Variants in ARHGEF2 observed in about 807,000 individuals in gnomAD.
ARHGEF2 encodes the protein Rho/Rac guanine nucleotide exchange factor 2, also known as rho guanine nucleotide exchange factor 2.
ARHGEF2 carries 22 observed loss-of-function variants against 121.0 expected under a neutral mutation model. The ratio of observed to expected loss-of-function variants is 0.18; its 90% CI spans 0.13 to 0.26. ARHGEF2 has a LOEUF of 0.26. Among genes scored for constraint, ARHGEF2 ranks in the 10% least tolerant of loss-of-function variants. The pLI is 1.00. For missense variants in ARHGEF2, 907 were observed against 1,336.0 expected, an observed-to-expected ratio of 0.68 and a Z score of 5.01; for synonymous variants, 487 against 530.0, an observed-to-expected ratio of 0.92 and a Z score of 1.11.
chr1:155,976,216 C>T (rs1323524074), intron 1 of ARHGEF2, among the ~76,000 whole-genome samples: 1 of 151,976 alleles, frequency 6.6e-6, no homozygotes, highest in Non-Finnish European at 1.5e-5. Context: ...TGCCCCTCTA[C>T]TTCCCACCAC....
chr1:155,969,064 G>T, intron 2 of ARHGEF2, 92 bp downstream of exon 2: 1 of 1,503,124 alleles, frequency 6.7e-7, no homozygotes, highest in South Asian at 1.2e-5. Context: ...AGAGAAGAGT[G>T]ACCCTCATGG....
At position 155,975,757 on chromosome 1, in the gene ARHGEF2, C is replaced by CA. The variant is rs574773564; in HGVS notation, c.63+2607dup. Among the ~76,000 whole-genome samples the CA allele has an allele frequency of 5.1e-4, 78 of 152,254 alleles. 1 individual carries two copies. The South Asian group carries it at 0.016, about 31-fold the overall frequency. ...ACCACAGAGATTCCAAGGGGACCCC[C>CA]AGCCTCCACAGCCATCCCTGGACCT... is the stretch of plus-strand genomic sequence containing the variant. On this transcript the variant is annotated intron_variant, in intron 1 of 21. Transcript: ENST00000361247.
At chr1:155,968,336 A>G (rs1269022325) in intron 2 of ARHGEF2, 2 of 151,386 alleles carry the variant, frequency 1.3e-5, no homozygotes, top group Non-Finnish European at 2.9e-5. Flanking sequence ...CCCAAGTTTC[A>G]TAGGGATTTA....
In ARHGEF2 at chr1:155,950,599, T is replaced by A; in HGVS notation, c.2704-117A>T. The A allele has an allele frequency of 8.8e-7, 1 of 1,132,038 alleles. No homozygotes were observed. The highest frequency in any genetic ancestry group is 1.3e-6 in the Non-Finnish European group (1 of 784,392). 70.1% of individuals were successfully genotyped at this position (1,132,038 alleles called of 1,614,324 possible). ...CCTGGGGCTCACCCATGAGTCCCCT[T>A]CAGGAGATCCACCACCAACTGGCCT... On this transcript the variant is annotated intron_variant, in intron 20 of 21. Coordinates refer to ENST00000361247, the MANE Select transcript of ARHGEF2 (RefSeq NM_001162383.2). The surrounding 1 kb of genome is among the most constrained non-coding windows in gnomAD (Gnocchi z 5.2).
In ARHGEF2 at chr1:155,963,166, G is replaced by A. The variant is rs1206001311; in HGVS notation, c.742C>T (p.Leu248=). 1 of 1,611,366 alleles carries A rather than the reference G, an allele frequency of 6.2e-7. No individual in the cohort carries two copies. Among genetic ancestry groups the A allele is most frequent in the Non-Finnish European group, 8.5e-7 (1 of 1,179,908 alleles). The change falls in exon 8 of 22, where the codon CTG becomes TTG. Residue 248 remains leucine, a synonymous_variant. Coordinates refer to ENST00000361247, the MANE Select transcript of ARHGEF2 (RefSeq NM_001162383.2). ...ATCTTCAGTGTCCTCACATGGTGCA[G>A]CTCTGTCTGGATTAGCTCTGTGGGG... ...DVIYELIQTE[L]HHVRTLKIMT... is the part of the protein sequence containing the mutation.
At chr1:155,949,168 A>G (rs1035287270) in intron 21 of ARHGEF2, among the ~76,000 whole-genome samples, 1 of 151,556 alleles carries the variant, frequency 6.6e-6, no homozygotes, top group African/African-American at 2.4e-5. Context: ...CAGGAGAATC[A>G]CTTGAACTCA....
intron 11 of ARHGEF2, 23 bp from the exon 12 acceptor site, chr1:155,958,419 G>C: frequency 6.3e-7 from 1 of 1,599,862 alleles, no homozygotes; most frequent in Non-Finnish European, 8.6e-7. Flanking sequence ...GAAGGTGGGA[G>C]AACAGTCAGC....
Position 155,951,895 on chromosome 1 carries a change from T to C in ARHGEF2, c.2172+24A>G, listed in dbSNP as rs1443268721. 2 of 1,613,660 alleles carry C rather than the reference T, an allele frequency of 1.2e-6. No homozygotes were observed. Among genetic ancestry groups the C allele is most frequent in the African/African-American group, 2.7e-5 (2 of 74,904 alleles). On this transcript the variant is annotated intron_variant, in intron 17 of 21. Coordinates refer to ENST00000361247, the MANE Select transcript of ARHGEF2 (RefSeq NM_001162383.2). The surrounding 1 kb of genome is among the most constrained non-coding windows in gnomAD (Gnocchi z 5.1). ...GTCCCTCTCCCACCCTCTTGCCAAG[T>C]CCCAGAACCTCTTGAGGACCTACCC...
At chr1:155,966,929 G>A (rs748410167) in intron 2 of ARHGEF2, 42 bp from the exon 3 acceptor site, 5 of 1,579,854 alleles carry the variant, frequency 3.2e-6, no homozygotes, top group South Asian at 2.2e-5. Context: ...GGGCCGGGTG[G>A]TACAGGAGGG....
At chr1:155,978,719 G>T, upstream of ARHGEF2, 1 of 818,154 alleles carries the variant, frequency 1.2e-6, no homozygotes, top group Non-Finnish European at 1.6e-6. This position sits in a 1 kb window ranked among gnomAD's most constrained non-coding sequence, Gnocchi z 4.1. Flanking sequence ...GGACAGGTTT[G>T]AGAGGCCCCT....
chr1:155,969,140 G>T lies in ARHGEF2; in HGVS notation c.208+16C>A. 6.2e-7 allele frequency: 1 copy of T among 1,613,776 alleles called. No individual in the cohort carries two copies. Among genetic ancestry groups the T allele is most frequent in the Non-Finnish European group, 8.5e-7 (1 of 1,179,698 alleles). ...GGCACCGAGTCTGGGTGACTCTCAG[G>T]GTCCAAACAACTTACTTGGGCAGAT... On this transcript the variant is annotated intron_variant, in intron 2 of 21. Transcript: ENST00000361247.
chr1:155,960,656 A>C (rs1173991357), intron 11 of ARHGEF2, among the ~76,000 whole-genome samples: 2 of 152,206 alleles, frequency 1.3e-5, no homozygotes, highest in East Asian at 3.9e-4. Context: ...TGGGAAGGAG[A>C]GAAAGGGATA....
At chr1:155,974,277 G>A (rs1010111698) in intron 1 of ARHGEF2, among the ~76,000 whole-genome samples, 4 of 152,092 alleles carry the variant, frequency 2.6e-5, no homozygotes, top group African/African-American at 7.2e-5. Context: ...TCCTCCAGCT[G>A]TACCTGGCAG....
intron 2 of ARHGEF2, among the ~76,000 whole-genome samples, chr1:155,967,846 C>T (rs913229658): frequency 6.6e-6 from 1 of 152,148 alleles, no homozygotes; most frequent in Non-Finnish European, 1.5e-5. Flanking sequence ...CCAACAACAC[C>T]GGAAACTCTG....
At position 155,978,486 on chromosome 1, in the gene ARHGEF2, G is replaced by A; in HGVS notation, c.-59C>T. On this transcript the variant is annotated 5_prime_UTR_variant, in exon 1 of 22. Transcript: ENST00000361247. The surrounding 1 kb of genome is among the most constrained non-coding windows in gnomAD (Gnocchi z 4.1). The stretch of plus-strand genomic sequence containing the variant: ...GGACCCCGGCGTCCTGTATTGTTGG[G>A]GGAAGGCGGGGGGAGGGGTTCGGCC... The A allele has an allele frequency of 7.3e-7, 1 of 1,370,816 alleles. No individual in the cohort carries two copies. The highest frequency in any genetic ancestry group is 2.9e-5 in the East Asian group (1 of 34,206). The allele number at this position is 1,370,816 out of a possible 1,614,324, so 84.9% of individuals were successfully genotyped here.
chr1:155,957,683 A>G (rs777351140), intron 13 of ARHGEF2, 30 bp downstream of exon 13: 2 of 1,589,048 alleles, frequency 1.3e-6, no homozygotes, highest in Admixed American at 3.5e-5. Context: ...TGAGGTCATA[A>G]GCACATGCAG....
intron 1 of ARHGEF2, among the ~76,000 whole-genome samples, chr1:155,977,762 C>A (rs1373520563): frequency 6.6e-6 from 1 of 152,216 alleles, no homozygotes; most frequent in African/African-American, 2.4e-5. Flanking sequence ...ACCCCAGCCA[C>A]CCGCCCACCC....
In ARHGEF2 at chr1:155,978,003, G is replaced by T; in HGVS notation, c.63+362C>A. 1 of 883,152 alleles carries T rather than the reference G, an allele frequency of 1.1e-6. No homozygotes were observed. Among genetic ancestry groups the T allele is most frequent in the Non-Finnish European group, 1.4e-6 (1 of 723,010 alleles). 54.7% of individuals were successfully genotyped at this position (883,152 alleles called of 1,614,324 possible). ...GGTGGGGCCCGGGGTGAGAGGAGGT[G>T]CCGGAGCTTCCACCGCCCCCACCCG... On this transcript the variant is annotated intron_variant, in intron 1 of 21. Transcript: ENST00000361247. The surrounding 1 kb of genome is among the most constrained non-coding windows in gnomAD (Gnocchi z 4.1).
chr1:155,961,276 T>A lies in ARHGEF2; in HGVS notation c.1468+385A>T, dbSNP rs1677850193. Among the ~76,000 whole-genome samples, 1 of 145,094 alleles carries A rather than the reference T, an allele frequency of 6.9e-6. No homozygotes were observed. The highest frequency in any genetic ancestry group is 1.5e-5 in the Non-Finnish European group (1 of 65,836). ...GGCTGCATAAAGGGAGGTTGATTCT[T>A]TTTTTTTTTTTTTTTTGAGATGGAG... is the stretch of plus-strand genomic sequence containing the variant. On this transcript the variant is annotated intron_variant, in intron 11 of 21. Transcript: ENST00000361247. This position sits in a 1 kb window ranked among gnomAD's most constrained non-coding sequence, Gnocchi z 4.7.
Sources: allele counts gnomAD v4.1 joint callset (sites outside exome capture counted in the v4.1 genomes callset), GRCh38; gene constraint gnomAD v4.1.1; non-coding constraint Gnocchi (gnomAD v3.1); transcripts MANE v1.5; gene names NCBI Gene and HGNC (gene_info 2026-07-23, HGNC 2026-07-21).